The following MC2R variants were observed in gnomAD, a reference collection of about 807,000 sequenced individuals.
The protein encoded by MC2R is adrenocorticotropic hormone receptor.
MC2R carries 9 observed loss-of-function variants against 9.8 expected under a neutral mutation model. The observed-to-expected ratio is 0.92, with a 90% confidence interval of 0.55 to 1.60. The LOEUF (loss-of-function observed/expected upper bound fraction) is 1.60. Ranked by LOEUF, MC2R falls within the 40% of genes most tolerant of loss-of-function variation. The pLI is 0.00. For missense variants in MC2R, 370 were observed against 389.0 expected (o/e 0.95, Z 0.41); for synonymous variants, 185 against 154.7 (o/e 1.20, Z -1.45).
rs76552404 is a variant in MC2R at position 13,883,732 on chromosome 18, C to T, written c.*893G>A. The T allele has an allele frequency of 5.3e-5, 8 of 151,622 alleles. No individual in the cohort carries two copies. The highest frequency in any genetic ancestry group is 8.8e-5 in the Non-Finnish European group (6 of 67,882). The allele number at this position is 151,622 out of a possible 1,614,324, so 9.4% of individuals were successfully genotyped here. ...CTTTTCTTGTACTTCTACATTGTAA[C>T]ACACATAGTTTGGTTACAGCTTCTT... On this transcript the variant is annotated 3_prime_UTR_variant, in exon 2 of 2. Transcript: ENST00000327606.
At chr18:13,897,491 C>T (rs914646581) in intron 1 of MC2R, among the ~76,000 whole-genome samples, 8 of 152,274 alleles carry the variant, frequency 5.3e-5, no homozygotes, top group African/African-American at 1.9e-4. Context: ...GGCCCAGAGA[C>T]AGCGGACTTG....
chr18:13,898,450 C>G (rs919106400), intron 1 of MC2R, among the ~76,000 whole-genome samples: 2 of 152,214 alleles, frequency 1.3e-5, no homozygotes, highest in African/African-American at 4.8e-5. Context: ...GGGGGAACTT[C>G]CTGCCCTGAA....
intron 1 of MC2R, among the ~76,000 whole-genome samples, chr18:13,890,154 T>C (rs974393444): frequency 6.6e-6 from 1 of 152,146 alleles, no homozygotes; most frequent in Non-Finnish European, 1.5e-5. Flanking sequence ...GAAAAATCTC[T>C]CTGAAATTTA....
intron 1 of MC2R, among the ~76,000 whole-genome samples, chr18:13,912,342 G>A (rs895471511): frequency 2.0e-5 from 3 of 152,142 alleles, no homozygotes; most frequent in African/African-American, 7.2e-5. Flanking sequence ...TGGGTTACTT[G>A]CTTAAGGTCA....
Position 13,897,157 on chromosome 18 carries a change from C to T in MC2R, c.-128-11511G>A, listed in dbSNP as rs150785537. On this transcript the variant is annotated intron_variant, in intron 1 of 1. Transcript: ENST00000327606. ...GTCTCAAATTGCAGACACCACCCCC[C>T]CAAACCCCCCAGTGGTAGCGTGGTG... 5.3e-5 allele frequency among the ~76,000 whole-genome samples: 8 copies of T among 152,322 alleles called. No homozygotes were observed. The East Asian group carries it at 9.6e-4, about 18-fold the overall frequency.
At chr18:13,886,526 G>C (rs1279527840) in intron 1 of MC2R, among the ~76,000 whole-genome samples, 4 of 152,220 alleles carry the variant, frequency 2.6e-5, no homozygotes, top group African/African-American at 7.2e-5. Context: ...GGACTCGGGA[G>C]ATGTTTAGTC....
intron 1 of MC2R, among the ~76,000 whole-genome samples, chr18:13,914,566 C>T (rs564621074): frequency 1.3e-5 from 2 of 152,148 alleles, no homozygotes; most frequent in Non-Finnish European, 2.9e-5. Flanking sequence ...CCCCTTTGTA[C>T]CCCTTTCCCA....
At position 13,906,042 on chromosome 18, in the gene MC2R, C is replaced by T. The variant is rs1005146768; in HGVS notation, c.-129+9446G>A. On this transcript the variant is annotated intron_variant, in intron 1 of 1. Coordinates refer to ENST00000327606, the MANE Select transcript of MC2R (RefSeq NM_000529.2). The stretch of plus-strand genomic sequence containing the variant: ...TGAGCTGAGATTGTGCCATTGCACT[C>T]CACCCTGGTGACAGAGTAAGACCCC... 3.3e-4 allele frequency among the ~76,000 whole-genome samples: 50 copies of T among 151,968 alleles called. 1 individual carries two copies. The highest frequency in any genetic ancestry group is 1.3e-4 in the Non-Finnish European group (9 of 67,992).
chr18:13,887,259 TG>T (rs1431070147), intron 1 of MC2R, among the ~76,000 whole-genome samples: 1 of 115,200 alleles, frequency 8.7e-6, no homozygotes, highest in African/African-American at 3.1e-5. Flanking sequence ...TCCCACCTGC[TG>T]GGGAAGCCTC....
chr18:13,913,599 A>G (rs2045459256), intron 1 of MC2R, among the ~76,000 whole-genome samples: 1 of 152,214 alleles, frequency 6.6e-6, no homozygotes, highest in African/African-American at 2.4e-5. Flanking sequence ...TTAAGACTTT[A>G]GGACTCCACC....
intron 1 of MC2R, among the ~76,000 whole-genome samples, chr18:13,897,151 A>C (rs1364115036): frequency 2.0e-5 from 3 of 151,676 alleles, no homozygotes; most frequent in South Asian, 2.1e-4. Flanking sequence ...TGCAGACACC[A>C]CCCCCCCAAA....
rs185114457 is a variant in MC2R, at chr18:13,895,504, G to T, written c.-128-9858C>A. On this transcript the variant is annotated intron_variant, in intron 1 of 1. Transcript: ENST00000327606. ...GAGGGCAGGAAATGATGGGACCTTC[G>T]TGCAAGAGAGTCAGGAGAGGTTTTT... 1.2e-3 allele frequency among the ~76,000 whole-genome samples: 181 copies of T among 152,230 alleles called. 4 individuals are homozygous for T. In the Middle Eastern group the frequency reaches 0.017, roughly 14 times the overall value.
chr18:13,907,632 A>T (rs2045421217), intron 1 of MC2R, among the ~76,000 whole-genome samples: 1 of 152,228 alleles, frequency 6.6e-6, no homozygotes, highest in South Asian at 2.1e-4. Context: ...ATCCAGCAAG[A>T]GATTAATAAC....
At chr18:13,888,275 C>G (rs1420895898) in intron 1 of MC2R, among the ~76,000 whole-genome samples, 1 of 152,076 alleles carries the variant, frequency 6.6e-6, no homozygotes, top group Non-Finnish European at 1.5e-5. Context: ...CCCATGGGGT[C>G]CCTTCAAAAG....
In MC2R at chr18:13,884,567, C is replaced by T. The variant is rs4797825; in HGVS notation, c.*58G>A. Reference sequence around the variant, plus strand: ...CACTGGCATTTGTTGGAATGTTACACTATTCTGGCACTTGGCAACGTTATT... The same window carrying T: ...CACTGGCATTTGTTGGAATGTTACATTATTCTGGCACTTGGCAACGTTATT... On this transcript the variant is annotated 3_prime_UTR_variant, in exon 2 of 2. Coordinates refer to ENST00000327606, the MANE Select transcript of MC2R (RefSeq NM_000529.2). The T allele has an allele frequency of 0.48, 753,047 of 1,574,826 alleles. 184,865 individuals carry two copies. Among genetic ancestry groups the T allele is most frequent in the African/African-American group, 0.75 (55,590 of 74,268 alleles).
Position 13,897,414 on chromosome 18 carries a change from G to C in MC2R, c.-128-11768C>G, listed in dbSNP as rs529006177. Among the ~76,000 whole-genome samples, 25 of 152,262 alleles carry C rather than the reference G, an allele frequency of 1.6e-4. No homozygotes were observed. The South Asian group carries it at 5.2e-3, about 32-fold the overall frequency. ...AAGCTACAGTGCTGTCAGTCTCTAAGTAAACTTGAAAAGGCAGTCTAGACC... is the reference window on the plus strand; with the variant it reads ...AAGCTACAGTGCTGTCAGTCTCTAACTAAACTTGAAAAGGCAGTCTAGACC... On this transcript the variant is annotated intron_variant, in intron 1 of 1. Coordinates refer to ENST00000327606, the MANE Select transcript of MC2R (RefSeq NM_000529.2).
chr18:13,897,357 G>A (rs528360570), intron 1 of MC2R, among the ~76,000 whole-genome samples: 16 of 152,292 alleles, frequency 1.1e-4, no homozygotes, highest in African/African-American at 3.4e-4. Flanking sequence ...CCCAATGGTC[G>A]GAACTTGAGT....
intron 1 of MC2R, among the ~76,000 whole-genome samples, chr18:13,887,470 G>A (rs2045284183): frequency 1.3e-5 from 2 of 152,170 alleles, no homozygotes; most frequent in Admixed American, 1.3e-4. Flanking sequence ...TGCTGGGGAA[G>A]CATCGGTGAT....
chr18:13,906,594 T>G (rs1230093220), intron 1 of MC2R, among the ~76,000 whole-genome samples: 3 of 152,200 alleles, frequency 2.0e-5, no homozygotes, highest in African/African-American at 7.2e-5. Context: ...GAAGTCAAAT[T>G]AGCCTTGTTT....
Sources: allele counts gnomAD v4.1 joint callset (sites outside exome capture counted in the v4.1 genomes callset), GRCh38; gene constraint gnomAD v4.1.1; transcripts MANE v1.5; gene names NCBI Gene and HGNC (gene_info 2026-07-23, HGNC 2026-07-21).